The following EFCAB8 variants were observed in gnomAD, a reference collection of about 807,000 sequenced individuals.
EFCAB8 encodes the protein EF-hand calcium binding domain 8.
A neutral mutation model predicts 116.3 loss-of-function variants in EFCAB8; 100 were observed. That is an observed-to-expected ratio of 0.86 (90% CI 0.73 to 1.02). The LOEUF is 1.02. Among genes scored for constraint, EFCAB8 ranks in the 50% least tolerant of loss-of-function variants. EFCAB8 has a pLI of 0.00. For missense variants in EFCAB8, 1,320 were observed against 1,416.9 expected, an observed-to-expected ratio of 0.93 and a Z score of 1.10; for synonymous variants, 558 against 567.9, an observed-to-expected ratio of 0.98 and a Z score of 0.25.
rs759296335 is a variant in EFCAB8, at chr20:32,906,663, G to A, written c.1156+34G>A. ...CCTTCATGTCACCCAGAAGCTGCTG[G>A]GGGGAGGGCTGCTGGGGATGGGGGG... On this transcript the variant is annotated intron_variant, in intron 12 of 26. Coordinates refer to ENST00000400522, the MANE Select transcript of EFCAB8 (RefSeq NM_001143967.2). 15 of 717,738 alleles carry A rather than the reference G, an allele frequency of 2.1e-5. No individual in the cohort carries two copies. In the East Asian group the frequency reaches 3.8e-4, roughly 18 times the overall value. The allele number at this position is 717,738 out of a possible 1,614,324, so 44.5% of individuals were successfully genotyped here. A position where few individuals can be genotyped will look rare whatever the true frequency, so the allele number is the denominator to read the frequency against.
At chr20:32,865,760 C>T (rs1179145271) in intron 2 of EFCAB8, among the ~76,000 whole-genome samples, 3 of 150,392 alleles carry the variant, frequency 2.0e-5, no homozygotes, top group Non-Finnish European at 4.4e-5. Flanking sequence ...GATCGCACCA[C>T]GCTCCAGCTG....
intron 20 of EFCAB8, among the ~76,000 whole-genome samples, chr20:32,920,698 C>T (rs1987410287): frequency 6.6e-6 from 1 of 152,108 alleles, no homozygotes; most frequent in African/African-American, 2.4e-5. Context: ...TCCCACAACA[C>T]GGGGGAATTC....
chr20:32,939,186 T>TC (rs1988287242), intron 22 of EFCAB8, among the ~76,000 whole-genome samples: 1 of 90,118 alleles, frequency 1.1e-5, no homozygotes, highest in Non-Finnish European at 2.3e-5. Context: ...TTTCTTTCTT[T>TC]CTTTCTTTCT....
At chr20:32,949,861 A>G (rs1164061377) in intron 23 of EFCAB8, among the ~76,000 whole-genome samples, 7 of 152,212 alleles carry the variant, frequency 4.6e-5, no homozygotes, top group African/African-American at 1.7e-4. Flanking sequence ...TTAGCCAGGC[A>G]TGGCGGTGCC....
chr20:32,937,957 G>A lies in EFCAB8; in HGVS notation c.2791-5679G>A, dbSNP rs1295137631. Reference sequence around the variant, plus strand: ...ATTGCTCACAAACTCTTCCAAAAGAGTTCTCTATGAGGCCAGTATTACCTT... The same window carrying A: ...ATTGCTCACAAACTCTTCCAAAAGAATTCTCTATGAGGCCAGTATTACCTT... On this transcript the variant is annotated intron_variant, in intron 22 of 26. Coordinates refer to ENST00000400522, the MANE Select transcript of EFCAB8 (RefSeq NM_001143967.2). 2.0e-5 allele frequency among the ~76,000 whole-genome samples: 3 copies of A among 150,066 alleles called. No individual in the cohort carries two copies. The South Asian group carries it at 6.3e-4, about 31-fold the overall frequency.
rs973121681 is a variant in EFCAB8 at position 32,893,210 on chromosome 20, C to T, written c.795C>T (p.Asp265=). The change falls in exon 9 of 27, where the codon GAC becomes GAT. Residue 265 remains aspartate (D), a synonymous_variant. Coordinates refer to ENST00000400522, the MANE Select transcript of EFCAB8 (RefSeq NM_001143967.2). ...DYHRGVFCYG[D]AKGNVIVFTS... is the part of the protein sequence containing the mutation. ...ACAGAGGTGTGTTCTGCTATGGAGACGCCAAAGGCAACGTCATTGTCTTCA... is the reference window on the plus strand; with the variant it reads ...ACAGAGGTGTGTTCTGCTATGGAGATGCCAAAGGCAACGTCATTGTCTTCA... 47 of 1,551,948 alleles carry T rather than the reference C, an allele frequency of 3.0e-5. No individual in the cohort carries two copies. The highest frequency in any genetic ancestry group is 4.1e-5 in the African/African-American group (3 of 73,034).
In EFCAB8 at chr20:32,898,514, G is replaced by A. The variant is rs983413258; in HGVS notation, c.979G>A (p.Glu327Lys). The A allele has an allele frequency of 3.3e-5, 24 of 718,442 alleles. No individual in the cohort carries two copies. In the African/African-American group the frequency reaches 3.8e-4, roughly 12 times the overall value. The allele number at this position is 718,442 out of a possible 1,614,324, so 44.5% of individuals were successfully genotyped here. The change falls in exon 11 of 27, where the codon GAG (glutamate) becomes AAG (lysine). Residue 327 changes from glutamate to lysine, a missense_variant. Transcript: ENST00000400522. ...RLKALHPNWC[E>K]QVKFIPQMNV... ...CCAGGCTCTCCATCCCAACTGGTGT[G>A]AGCAGGTCAAGTTCATCCCCCAGAT...
intron 23 of EFCAB8, among the ~76,000 whole-genome samples, chr20:32,945,423 T>G (rs1314408611): frequency 2.0e-5 from 3 of 152,166 alleles, no homozygotes; most frequent in Non-Finnish European, 4.4e-5. Flanking sequence ...CCCAAAGTGT[T>G]GGGATTATAG....
rs1568922310 is a variant in EFCAB8 at position 32,906,647 on chromosome 20, C to T, written c.1156+18C>T. ...CTTCCTGGGTAAGTCACCTTCATGT[C>T]ACCCAGAAGCTGCTGGGGGGAGGGC... On this transcript the variant is annotated intron_variant, in intron 12 of 26. Coordinates refer to ENST00000400522, the MANE Select transcript of EFCAB8 (RefSeq NM_001143967.2). 7.0e-6 allele frequency: 5 copies of T among 717,932 alleles called. No individual in the cohort carries two copies. The highest frequency in any genetic ancestry group is 1.3e-5 in the Non-Finnish European group (5 of 385,162). 44.5% of individuals were successfully genotyped at this position (717,932 alleles called of 1,614,324 possible).
chr20:32,960,220 T>G, intron 26 of EFCAB8, 59 bp downstream of exon 26: 1 of 1,468,904 alleles, frequency 6.8e-7, no homozygotes. Flanking sequence ...GGATCCCATG[T>G]CCACCAGCAG....
intron 1 of EFCAB8, among the ~76,000 whole-genome samples, chr20:32,862,879 C>T (rs111260829): frequency 2.3e-4 from 35 of 152,212 alleles, no homozygotes; most frequent in Middle Eastern, 3.4e-3. Context: ...GCAATCCTTC[C>T]GCCTTGGCCT....
At chr20:32,861,491 G>A (rs11698654) in intron 1 of EFCAB8, among the ~76,000 whole-genome samples, 10,169 of 152,234 alleles carry the variant, frequency 0.067, 396 homozygotes, top group Middle Eastern at 0.092. Context: ...ATTTCTCCAT[G>A]CTGGCCAGGC....
intron 17 of EFCAB8, among the ~76,000 whole-genome samples, chr20:32,916,841 G>A (rs909736513): frequency 2.0e-5 from 3 of 152,026 alleles, no homozygotes; most frequent in Admixed American, 6.6e-5. Context: ...TCTTGGGGGC[G>A]GTGGTCAGGA....
chr20:32,953,316 G>C (rs1439564515), intron 23 of EFCAB8, among the ~76,000 whole-genome samples: 2 of 152,106 alleles, frequency 1.3e-5, no homozygotes, highest in Non-Finnish European at 2.9e-5. Context: ...TTGAGACCCT[G>C]CTTTCAATTC....
Position 32,961,677 on chromosome 20 carries a change from G to A in EFCAB8, c.*68G>A, listed in dbSNP as rs559188129. 34 of 980,194 alleles carry A rather than the reference G, an allele frequency of 3.5e-5. No individual in the cohort carries two copies. Among genetic ancestry groups the A allele is most frequent in the Non-Finnish European group, 4.3e-5 (32 of 746,136 alleles). The allele number at this position is 980,194 out of a possible 1,614,324, so 60.7% of individuals were successfully genotyped here. A position where few individuals can be genotyped will look rare whatever the true frequency, so the allele number is the denominator to read the frequency against. On this transcript the variant is annotated 3_prime_UTR_variant, in exon 27 of 27. Transcript: ENST00000400522. The stretch of plus-strand genomic sequence containing the variant: ...GCCCATGGCGGTCCTGCATGTTCTC[G>A]GCTTATTCCCTACCAGACCCAGAGG...
intron 6 of EFCAB8, among the ~76,000 whole-genome samples, chr20:32,888,716 T>A (rs1156365596): frequency 1.3e-5 from 2 of 152,204 alleles, no homozygotes; most frequent in Non-Finnish European, 2.9e-5. Flanking sequence ...GTTTGTCACT[T>A]AATCATGTCT....
intron 23 of EFCAB8, among the ~76,000 whole-genome samples, chr20:32,944,741 A>G (rs1475674117): frequency 6.6e-6 from 1 of 151,940 alleles, no homozygotes; most frequent in Admixed American, 6.6e-5. Context: ...TGGATATAGT[A>G]TTTTTGGATG....
At chr20:32,867,809 C>T (rs1984501539) in intron 3 of EFCAB8, 62 bp downstream of exon 3, 2 of 1,507,004 alleles carry the variant, frequency 1.3e-6, no homozygotes, top group Admixed American at 2.2e-5. Context: ...GACCGAGTAC[C>T]TGGGGTGTGT....
chr20:32,936,325 C>T (rs752503921), intron 22 of EFCAB8, among the ~76,000 whole-genome samples: 21 of 152,134 alleles, frequency 1.4e-4, no homozygotes, highest in African/African-American at 2.9e-4. Context: ...TGAGCCACCG[C>T]GCCTGGCCTA....
Sources: allele counts gnomAD v4.1 joint callset (sites outside exome capture counted in the v4.1 genomes callset), GRCh38; gene constraint gnomAD v4.1.1; transcripts MANE v1.5; gene names NCBI Gene and HGNC (gene_info 2026-07-23, HGNC 2026-07-21).